Variants in ZNF827 observed in about 807,000 individuals in gnomAD.
The protein encoded by ZNF827 is zinc finger protein 827.
Under a neutral mutation model 102.4 loss-of-function variants are expected in ZNF827, and 13 were observed. The ratio of observed to expected loss-of-function variants is 0.13; its 90% CI spans 0.08 to 0.20. The LOEUF (loss-of-function observed/expected upper bound fraction) is 0.20, where lower values mean the gene tolerates loss of function less well. Ranked by LOEUF, ZNF827 falls within the 10% of genes least tolerant of loss-of-function variation. The pLI is 1.00. For synonymous variants in ZNF827, 523 were observed against 536.2 expected, an observed-to-expected ratio of 0.98 and a Z score of 0.34; for missense variants, 1,103 against 1,344.4, an observed-to-expected ratio of 0.82 and a Z score of 2.81.
At chr4:145,791,424 G>A (rs1371735264) in intron 8 of ZNF827, among the ~76,000 whole-genome samples, 2 of 152,316 alleles carry the variant, frequency 1.3e-5, no homozygotes, top group South Asian at 2.1e-4. Flanking sequence ...GAAATGGGGG[G>A]ACATAAACAT....
At chr4:145,820,826 C>A (rs1045889391) in intron 8 of ZNF827, among the ~76,000 whole-genome samples, 2 of 152,158 alleles carry the variant, frequency 1.3e-5, no homozygotes, top group Non-Finnish European at 2.9e-5. Flanking sequence ...TCAAAAATTT[C>A]TTTTCATTTT....
intron 1 of ZNF827, among the ~76,000 whole-genome samples, chr4:145,925,846 A>G (rs1283947900): frequency 6.6e-6 from 1 of 152,220 alleles, no homozygotes; most frequent in Non-Finnish European, 1.5e-5. Context: ...AAGTCCTTAG[A>G]AAATCACCCC....
chr4:145,892,589 G>A (rs1750688641), intron 2 of ZNF827, among the ~76,000 whole-genome samples, 174 bp from the exon 3 acceptor site: 1 of 152,192 alleles, frequency 6.6e-6, no homozygotes, highest in Non-Finnish European at 1.5e-5. Context: ...TCTTCAGGTA[G>A]AAACCCATAT....
intron 1 of ZNF827, among the ~76,000 whole-genome samples, chr4:145,911,690 G>A (rs1473182251): frequency 6.6e-6 from 1 of 152,194 alleles, no homozygotes; most frequent in Non-Finnish European, 1.5e-5. Context: ...GAGGCCTAGA[G>A]AGGGCCATAG....
chr4:145,785,268 C>T (rs1738683402), intron 8 of ZNF827, among the ~76,000 whole-genome samples: 1 of 152,118 alleles, frequency 6.6e-6, no homozygotes, highest in Non-Finnish European at 1.5e-5. Context: ...TACAATAGAG[C>T]AAACTATGCT....
At chr4:145,789,407 C>T (rs1739352863) in intron 8 of ZNF827, among the ~76,000 whole-genome samples, 1 of 152,110 alleles carries the variant, frequency 6.6e-6, no homozygotes, top group South Asian at 2.1e-4. Flanking sequence ...ATTAAGGAGA[C>T]AGTACATAAT....
At chr4:145,770,432 C>T (rs976592378) in intron 11 of ZNF827, among the ~76,000 whole-genome samples, 2 of 151,776 alleles carry the variant, frequency 1.3e-5, no homozygotes, top group Non-Finnish European at 2.9e-5. Flanking sequence ...TAACTTTGTG[C>T]CTCAATTATC....
At chr4:145,922,302 G>A (rs539915451) in intron 1 of ZNF827, among the ~76,000 whole-genome samples, 2 of 152,276 alleles carry the variant, frequency 1.3e-5, no homozygotes, top group South Asian at 2.1e-4. Context: ...GGATCCTCAA[G>A]ATCAAAACTG....
intron 1 of ZNF827, among the ~76,000 whole-genome samples, chr4:145,936,371 G>T (rs1376083973): frequency 6.6e-6 from 1 of 152,062 alleles, no homozygotes; most frequent in African/African-American, 2.4e-5. Context: ...GATTTTATGT[G>T]CATATATATT....
Position 145,885,797 on chromosome 4 carries a change from C to G in ZNF827, c.1628G>C (p.Arg543Thr), listed in dbSNP as rs756302084. The G allele has an allele frequency of 1.9e-6, 3 of 1,613,232 alleles. No individual in the cohort carries two copies. Among genetic ancestry groups the G allele is most frequent in the Non-Finnish European group, 2.5e-6 (3 of 1,179,574 alleles). Residue 543 changes from arginine (R) to threonine (T), a missense_variant, in exon 4 of 15, where the codon AGG (arginine) becomes ACG (threonine). Physicochemically the swap from Arg to Thr is moderately conservative, Grantham distance 71. Coordinates refer to ENST00000508784, the MANE Select transcript of ZNF827 (RefSeq NM_001306215.2). The stretch of plus-strand genomic sequence containing the variant: ...TTTCAGCTTTGTGTGGTTGGCGGGC[C>G]TGTCGGCAGCATTCAAAGTAAAGGA... ...PTSFTLNAADRPANHTKLKDP... is the reference protein window; with the variant it reads ...PTSFTLNAADTPANHTKLKDP...
chr4:145,936,280 C>G (rs894372049), intron 1 of ZNF827, among the ~76,000 whole-genome samples: 3 of 152,112 alleles, frequency 2.0e-5, no homozygotes, highest in African/African-American at 7.2e-5. Context: ...CAGCGCGGAG[C>G]CTCCCAACTC....
intron 8 of ZNF827, among the ~76,000 whole-genome samples, chr4:145,797,053 C>T (rs774508890): frequency 6.6e-6 from 1 of 152,114 alleles, no homozygotes; most frequent in African/African-American, 2.4e-5. Context: ...GTAATGTGGG[C>T]GGTCGGGGGG....
intron 9 of ZNF827, among the ~76,000 whole-genome samples, chr4:145,777,514 A>G (rs1343631473): frequency 6.6e-6 from 1 of 152,136 alleles, no homozygotes; most frequent in Non-Finnish European, 1.5e-5. Context: ...CTTTGGGTCA[A>G]TTTTAGTCAT....
intron 5 of ZNF827, among the ~76,000 whole-genome samples, chr4:145,857,285 A>G (rs1441074006): frequency 3.9e-5 from 6 of 152,238 alleles, no homozygotes; most frequent in Non-Finnish European, 8.8e-5. Context: ...TTGAATTTGC[A>G]AAGAACAAAC....
At chr4:145,774,462 G>A (rs781152154) in intron 11 of ZNF827, 44 bp downstream of exon 11, 1 of 1,580,054 alleles carries the variant, frequency 6.3e-7, no homozygotes, top group Non-Finnish European at 8.6e-7. Context: ...CTGGGGTGCA[G>A]GGGATGGAGA....
At chr4:145,833,674 T>C (rs1051095646) in intron 7 of ZNF827, among the ~76,000 whole-genome samples, 1 of 152,004 alleles carries the variant, frequency 6.6e-6, no homozygotes. Flanking sequence ...CAATCCCTTA[T>C]TTACGCACCC....
chr4:145,814,355 C>T (rs950030392), intron 8 of ZNF827, among the ~76,000 whole-genome samples: 2 of 152,178 alleles, frequency 1.3e-5, no homozygotes, highest in Non-Finnish European at 2.9e-5. Context: ...GGTTGGCCCA[C>T]ATGTATGGTA....
At chr4:145,918,360 C>T (rs974229265) in intron 1 of ZNF827, among the ~76,000 whole-genome samples, 1 of 64,792 alleles carries the variant, frequency 1.5e-5, no homozygotes, top group Non-Finnish European at 3.1e-5. Flanking sequence ...AAAAAAAAAA[C>T]TGGCTACAGT....
chr4:145,845,918 A>G (rs749514788), intron 7 of ZNF827, 38 bp downstream of exon 7: 2 of 1,612,002 alleles, frequency 1.2e-6, no homozygotes, highest in East Asian at 4.5e-5. Context: ...GGTGGCCCAC[A>G]CGGGGTGTTC....
Sources: allele counts gnomAD v4.1 joint callset (sites outside exome capture counted in the v4.1 genomes callset), GRCh38; gene constraint gnomAD v4.1.1; transcripts MANE v1.5; gene names NCBI Gene and HGNC (gene_info 2026-07-23, HGNC 2026-07-21).